The following LRP1B variants were observed in gnomAD, a reference collection of about 807,000 sequenced individuals.
The protein encoded by LRP1B is LDL receptor related protein 1B, also known as low-density lipoprotein receptor-related protein 1B.
A neutral mutation model predicts 556.6 loss-of-function variants in LRP1B; 217 were observed. The ratio of observed to expected loss-of-function variants is 0.39; its 90% confidence interval spans 0.35 to 0.44. The LOEUF (loss-of-function observed/expected upper bound fraction) is 0.44. Ranked by LOEUF, LRP1B falls within the 20% of genes least tolerant of loss-of-function variation. LRP1B has a pLI of 1.00. For missense variants in LRP1B, 5,053 were observed against 5,620.8 expected (o/e 0.90, Z 3.23); for synonymous variants, 2,047 against 1,865.8 (o/e 1.10, Z -2.50).
chr2:140,881,275 T>TGTGTGC (rs1553551627), intron 25 of LRP1B, among the ~76,000 whole-genome samples: 11 of 151,522 alleles, frequency 7.3e-5, no homozygotes, highest in African/African-American at 2.2e-4. Flanking sequence ...TGTGTGTGTG[T>TGTGTGC]GCGTGTGTGT....
chr2:141,837,915 A>G (rs1183990513), intron 1 of LRP1B, among the ~76,000 whole-genome samples: 1 of 152,150 alleles, frequency 6.6e-6, no homozygotes, highest in African/African-American at 2.4e-5. Flanking sequence ...GTGTTTATGT[A>G]ATTGATATGG....
chr2:141,160,395 C>T (rs1256132343), intron 7 of LRP1B, among the ~76,000 whole-genome samples: 1 of 152,118 alleles, frequency 6.6e-6, no homozygotes, highest in Non-Finnish European at 1.5e-5. Flanking sequence ...AACAATCACA[C>T]TCCTAGGTAT....
Position 141,031,768 on chromosome 2 carries a change from T to G in LRP1B, c.1790-11666A>C, listed in dbSNP as rs2105415455. Among the ~76,000 whole-genome samples, 4 of 151,988 alleles carry G rather than the reference T, an allele frequency of 2.6e-5. 1 individual carries two copies. The highest frequency in any genetic ancestry group is 6.8e-3 in the Middle Eastern group (2 of 294). On this transcript the variant is annotated intron_variant, in intron 11 of 90. Transcript: ENST00000389484. ...GGAAGAGATTCAAGTGTATAAAGATTTTGAGGAAAGGGCTTAGCAGACAAA... is the reference window on the plus strand; with the variant it reads ...GGAAGAGATTCAAGTGTATAAAGATGTTGAGGAAAGGGCTTAGCAGACAAA...
chr2:140,804,494 G>A (rs1221844014), intron 32 of LRP1B, among the ~76,000 whole-genome samples: 4 of 151,920 alleles, frequency 2.6e-5, no homozygotes, highest in Non-Finnish European at 5.9e-5. Context: ...CATAAAAAGT[G>A]TGCAAGTTGA....
chr2:141,742,170 T>C (rs1693732259), intron 2 of LRP1B, among the ~76,000 whole-genome samples: 1 of 152,080 alleles, frequency 6.6e-6, no homozygotes, highest in African/African-American at 2.4e-5. Context: ...TTTATGCCAG[T>C]ACCATGCCAT....
intron 1 of LRP1B, among the ~76,000 whole-genome samples, chr2:141,956,607 C>A (rs954156515): frequency 6.6e-5 from 10 of 151,810 alleles, no homozygotes; most frequent in Non-Finnish European, 1.5e-5. Flanking sequence ...ATTTATCAGT[C>A]TTTTATGTTT....
chr2:141,154,893 C>A (rs1222949798), intron 7 of LRP1B, among the ~76,000 whole-genome samples: 1 of 151,836 alleles, frequency 6.6e-6, no homozygotes, highest in African/African-American at 2.4e-5. Context: ...TTTCTCCTTT[C>A]AATAATCAGG....
At chr2:140,283,566 C>T (rs890779728) in intron 84 of LRP1B, among the ~76,000 whole-genome samples, 1 of 147,642 alleles carries the variant, frequency 6.8e-6, no homozygotes, top group Admixed American at 6.8e-5. Flanking sequence ...TCAGTGACAT[C>T]TCTAAGTGTC....
rs866876541 is a variant in LRP1B, at chr2:140,233,313, G to C, written c.13673C>G (p.Ser4558Cys). ...ATATAATTTTGCATATACCGGATTG[G>C]AGTAATTTGTTGGCTGAAGGAGAAA... ...GPLTAGPTNY[S>C]NPVYAKLYMD... The change falls in exon 91 of 91, where the codon TCC (serine) becomes TGC (cysteine). Residue 4558 changes from serine to cysteine, a missense_variant. Physicochemically the swap from Ser to Cys is moderately radical, Grantham distance 112. This residue lies in a region of LRP1B where 551 missense variants were observed against 592.0 expected (regional missense o/e 0.93). Transcript: ENST00000389484. 2 of 1,587,784 alleles carry C rather than the reference G, an allele frequency of 1.3e-6. No homozygotes were observed. The highest frequency in any genetic ancestry group is 2.7e-5 in the African/African-American group (2 of 73,462).
At chr2:140,876,243 A>C (rs184024566) in intron 25 of LRP1B, among the ~76,000 whole-genome samples, 1 of 152,176 alleles carries the variant, frequency 6.6e-6, no homozygotes, top group East Asian at 1.9e-4. Context: ...TTTTCTTTTC[A>C]GAGTCAGAGA....
In LRP1B at chr2:140,701,737, G is replaced by T. The variant is rs1485029490; in HGVS notation, c.6411C>A (p.Asn2137Lys). The T allele has an allele frequency of 6.2e-7, 1 of 1,612,482 alleles. No homozygotes were observed. The highest frequency in any genetic ancestry group is 8.5e-7 in the Non-Finnish European group (1 of 1,179,044). ...AGTGCTGACCTTTCTCTCTTACTCG[G>T]TTAAATATTTTAACCTCCTTCAGGT... ...GVNLKEVKIF[N>K]RVREKGTNVC... Residue 2137 changes from asparagine (N) to lysine (K), a missense_variant, in exon 40 of 91, where the codon AAC becomes AAA. Physicochemically the swap from Asn to Lys is moderately conservative, Grantham distance 94. This residue lies in a region of LRP1B where 3,619 missense variants were observed against 3,931.9 expected (regional missense o/e 0.92). Transcript: ENST00000389484.
intron 2 of LRP1B, among the ~76,000 whole-genome samples, chr2:141,726,419 T>C (rs978034925): frequency 4.6e-5 from 7 of 151,978 alleles, no homozygotes; most frequent in African/African-American, 1.4e-4. Context: ...AAATCGGGCT[T>C]CTGAAATGTC....
intron 82 of LRP1B, among the ~76,000 whole-genome samples, chr2:140,321,734 T>C (rs1558799317): frequency 6.6e-6 from 1 of 152,136 alleles, no homozygotes; most frequent in African/African-American, 2.4e-5. Flanking sequence ...GTTCTCGATC[T>C]GTTGTTAAGT....
chr2:141,867,639 G>T (rs1027647240), intron 1 of LRP1B, among the ~76,000 whole-genome samples: 1 of 152,046 alleles, frequency 6.6e-6, no homozygotes, highest in Non-Finnish European at 1.5e-5. Context: ...TAAGGTTTAG[G>T]ATGCATTGCC....
chr2:140,544,134 T>C (rs1680237233), intron 43 of LRP1B, among the ~76,000 whole-genome samples: 2 of 151,864 alleles, frequency 1.3e-5, no homozygotes, highest in South Asian at 4.2e-4. Context: ...TTTAATAACT[T>C]TTAAGTTCAG....
At chr2:141,377,743 A>T (rs1689490961) in intron 3 of LRP1B, among the ~76,000 whole-genome samples, 1 of 151,966 alleles carries the variant, frequency 6.6e-6, no homozygotes, top group Non-Finnish European at 1.5e-5. Flanking sequence ...ATTTCTTTTA[A>T]ATTAATTTCA....
intron 35 of LRP1B, among the ~76,000 whole-genome samples, chr2:140,753,101 C>CA (rs1688638737): frequency 6.6e-6 from 1 of 152,018 alleles, no homozygotes. Context: ...TTTACATTTT[C>CA]AAAAAAGTAA....
intron 2 of LRP1B, among the ~76,000 whole-genome samples, chr2:141,770,516 C>T (rs961997990): frequency 8.5e-5 from 13 of 152,208 alleles, no homozygotes; most frequent in African/African-American, 1.7e-4. Flanking sequence ...CTACAAACAG[C>T]GTCATAACTG....
chr2:141,166,917 T>C (rs1680291339), intron 7 of LRP1B, among the ~76,000 whole-genome samples: 1 of 151,928 alleles, frequency 6.6e-6, no homozygotes, highest in Non-Finnish European at 1.5e-5. Context: ...TTTCTAACAG[T>C]GCAGAGTATT....
Sources: allele counts gnomAD v4.1 joint callset (sites outside exome capture counted in the v4.1 genomes callset), GRCh38; gene constraint gnomAD v4.1.1; regional missense constraint gnomAD v4.1.1; transcripts MANE v1.5; gene names NCBI Gene and HGNC (gene_info 2026-07-23, HGNC 2026-07-21).